Variants in CDH24 observed in about 807,000 individuals in gnomAD.
CDH24 encodes cadherin 24.
A neutral mutation model predicts 71.2 loss-of-function variants in CDH24; 61 were observed. The ratio of observed to expected loss-of-function variants is 0.86; its 90% confidence interval spans 0.70 to 1.06. The LOEUF (loss-of-function observed/expected upper bound fraction) is 1.06. CDH24 is among the 50% of genes least tolerant of loss of function. The pLI is 0.00. For missense variants in CDH24, 961 were observed against 1,083.7 expected (o/e 0.89, Z 1.59); for synonymous variants, 440 against 470.2 (o/e 0.94, Z 0.83).
intron 8 of CDH24, 31 bp from the exon 9 acceptor site, chr14:23,049,974 A>C: frequency 6.3e-7 from 1 of 1,599,494 alleles, no homozygotes; most frequent in Middle Eastern, 1.7e-4. Flanking sequence ...CATACACGCC[A>C]CACACACACC....
In CDH24 at chr14:23,051,986, A is replaced by G; in HGVS notation, c.1363+487T>C. The G allele has an allele frequency of 6.3e-7, 1 of 1,579,508 alleles. No individual in the cohort carries two copies. Among genetic ancestry groups the G allele is most frequent in the African/African-American group, 1.3e-5 (1 of 74,116 alleles). On this transcript the variant is annotated intron_variant, in intron 8 of 12. Coordinates refer to ENST00000487137, the MANE Select transcript of CDH24 (RefSeq NM_144985.4). This position sits in a 1 kb window ranked among gnomAD's most constrained non-coding sequence, Gnocchi z 4.4. Reference sequence around the variant, plus strand: ...CTCCCCTACCTTGGGGGATTCCCACAGCGCTTCCAACAGGGCTTCTCTGGG... The same window carrying G: ...CTCCCCTACCTTGGGGGATTCCCACGGCGCTTCCAACAGGGCTTCTCTGGG...
In CDH24 at chr14:23,055,725, G is replaced by T; in HGVS notation, c.9C>A (p.Gly3=). The change falls in exon 2 of 13, where the codon GGC becomes GGA. Residue 3 remains glycine, a synonymous_variant. Transcript: ENST00000487137. The surrounding 1 kb of genome is among the most constrained non-coding windows in gnomAD (Gnocchi z 4.1). The part of the protein sequence containing the change: MW[G]LVRLLLAWLG... ...GCCAGGCCAGCAGGAGCCTCACCAG[G>T]CCCCACATGTTTGGACTCCAGCCAG... 6.3e-7 allele frequency: 1 copy of T among 1,582,336 alleles called. No homozygotes were observed. The highest frequency in any genetic ancestry group is 8.5e-7 in the Non-Finnish European group (1 of 1,169,890).
intron 10 of CDH24, among the ~76,000 whole-genome samples, 166 bp downstream of exon 10, chr14:23,049,461 G>A (rs1385233082): frequency 1.3e-5 from 2 of 152,096 alleles, no homozygotes; most frequent in Non-Finnish European, 2.9e-5. Flanking sequence ...CTTCCCATGG[G>A]GAAGGTTTAC....
In CDH24 at chr14:23,055,838, G is replaced by A. The variant is rs2047125726; in HGVS notation, c.-105C>T. 1 of 940,746 alleles carries A rather than the reference G, an allele frequency of 1.1e-6. No homozygotes were observed. Among genetic ancestry groups the A allele is most frequent in the Non-Finnish European group, 1.6e-6 (1 of 643,100 alleles). 58.3% of individuals were successfully genotyped at this position (940,746 alleles called of 1,614,324 possible). On this transcript the variant is annotated 5_prime_UTR_variant, in exon 2 of 13. Transcript: ENST00000487137. This position sits in a 1 kb window ranked among gnomAD's most constrained non-coding sequence, Gnocchi z 4.1. ...GGGGTGGAGGGGCAGATGCGTTGAG[G>A]CTACCCCATGGATCCACACCTGCAG...
chr14:23,048,843 T>C (rs918473094), intron 11 of CDH24, among the ~76,000 whole-genome samples, 184 bp downstream of exon 11: 2 of 152,244 alleles, frequency 1.3e-5, no homozygotes, highest in Admixed American at 6.5e-5. Context: ...ATTGTCATTA[T>C]GGATTGGCAG....
At chr14:23,048,584 T>TA (rs2047061259) in intron 11 of CDH24, 105 bp from the exon 12 acceptor site, 5 of 1,151,182 alleles carry the variant, frequency 4.3e-6, no homozygotes, top group Non-Finnish European at 5.0e-6. Flanking sequence ...GCCCTGTGCT[T>TA]AGGGGCTGAC....
Position 23,055,233 on chromosome 14 carries a change from C to T in CDH24, c.322G>A (p.Asp108Asn). The change falls in exon 3 of 13, where the codon GAC (aspartate) becomes AAC (asparagine). Residue 108 changes from aspartate to asparagine, a missense_variant. Around this residue, in one of 2 missense-constraint regions of CDH24, gnomAD observed 671 missense variants for 810.9 expected, o/e 0.83. Coordinates refer to ENST00000487137, the MANE Select transcript of CDH24 (RefSeq NM_144985.4). This position sits in a 1 kb window ranked among gnomAD's most constrained non-coding sequence, Gnocchi z 4.1. ...ACATATTGCGCCTTTTCCTCCCGGT[C>T]AAGGCTCTTGGTAACATGAATATTG... ...TGNIHVTKSL[D>N]REEKAQYVLL... The T allele has an allele frequency of 1.2e-6, 2 of 1,614,176 alleles. No individual in the cohort carries two copies. The highest frequency in any genetic ancestry group is 1.7e-6 in the Non-Finnish European group (2 of 1,180,016).
At position 23,047,847 on chromosome 14, in the gene CDH24, A is replaced by G. The variant is rs1047103203; in HGVS notation, c.*133T>C. 2.3e-5 allele frequency: 12 copies of G among 527,758 alleles called. No individual in the cohort carries two copies. Among genetic ancestry groups the G allele is most frequent in the Non-Finnish European group, 3.5e-5 (12 of 345,922 alleles). The allele number at this position is 527,758 out of a possible 1,614,324, so 32.7% of individuals were successfully genotyped here. On this transcript the variant is annotated 3_prime_UTR_variant, in exon 12 of 13. Transcript: ENST00000487137. ...AGAGCGAGGGTGCCCCGGGGAAGCAAGGAGGGACACAAGGACAGGGAGGAG... is the reference window on the plus strand; with the variant it reads ...AGAGCGAGGGTGCCCCGGGGAAGCAGGGAGGGACACAAGGACAGGGAGGAG...
chr14:23,052,277 G>A, intron 8 of CDH24, 196 bp downstream of exon 8: 1 of 757,854 alleles, frequency 1.3e-6, no homozygotes, highest in Non-Finnish European at 2.2e-6. Context: ...GCCCTGCCTG[G>A]TAGCAAGGAT....
chr14:23,049,047 G>C lies in CDH24; in HGVS notation c.1826C>G (p.Thr609Ser), dbSNP rs1376178455. Residue 609 changes from threonine (T) to serine (S), a missense_variant, in exon 11 of 13, where the codon ACC (threonine) becomes AGC (serine). By Grantham distance (58) the Thr-to-Ser change is moderately conservative. This residue lies in a region of CDH24 where 290 missense variants were observed against 272.8 expected (regional missense o/e 1.06). Transcript: ENST00000487137. ...CTCACCAAGCAGGGCACCCACACAG[G>C]TGATGATGGCAAGCAGGGCGCCGGT... Reference protein sequence around the residue: ...LSTGALLAIITCVGALLALVV... With the variant: ...LSTGALLAIISCVGALLALVV... 1.2e-6 allele frequency: 2 copies of C among 1,612,608 alleles called. No individual in the cohort carries two copies. The highest frequency in any genetic ancestry group is 2.7e-5 in the African/African-American group (2 of 74,928).
At position 23,051,915 on chromosome 14, in the gene CDH24, A is replaced by T; in HGVS notation, c.1363+558T>A. The stretch of plus-strand genomic sequence containing the variant: ...CCGCTGCTGGCCTGACTGATGGGGG[A>T]GACCGCATATGGAGCTGGCACTCCT... On this transcript the variant is annotated intron_variant, in intron 8 of 12. Transcript: ENST00000487137. The surrounding 1 kb of genome is among the most constrained non-coding windows in gnomAD (Gnocchi z 4.4). The T allele has an allele frequency of 9.8e-7, 1 of 1,019,726 alleles. No individual in the cohort carries two copies. The highest frequency in any genetic ancestry group is 1.4e-6 in the Non-Finnish European group (1 of 692,832). The allele number at this position is 1,019,726 out of a possible 1,614,324, so 63.2% of individuals were successfully genotyped here. A position where few individuals can be genotyped will look rare whatever the true frequency, so the allele number is the denominator to read the frequency against.
Position 23,051,740 on chromosome 14 carries a change from T to C in CDH24, c.1363+733A>G, listed in dbSNP as rs549268392. Reference sequence around the variant, plus strand: ...TCACTGACACATTCAGATATCCACATATACAAGGGCAGTTTTCATATGCAG... The same window carrying C: ...TCACTGACACATTCAGATATCCACACATACAAGGGCAGTTTTCATATGCAG... On this transcript the variant is annotated intron_variant, in intron 8 of 12. Transcript: ENST00000487137. This position sits in a 1 kb window ranked among gnomAD's most constrained non-coding sequence, Gnocchi z 4.4. Among the ~76,000 whole-genome samples the C allele has an allele frequency of 5.3e-4, 81 of 152,296 alleles. 1 individual carries two copies. The highest frequency in any genetic ancestry group is 3.4e-3 in the Middle Eastern group (1 of 294).
At position 23,054,216 on chromosome 14, in the gene CDH24, CAG is replaced by C. The variant is rs982793880; in HGVS notation, c.895_896del (p.Leu299GlyfsTer6). On this transcript the variant is annotated frameshift_variant, in exon 6 of 13. Transcript: ENST00000487137. LOFTEE classifies it high-confidence loss of function. This position sits in a 1 kb window ranked among gnomAD's most constrained non-coding sequence, Gnocchi z 5.2. ...TGAAGGCCTCAGACCCCTCCCCATC[CAG>C]GATGCTGTATGCCATCAGGGCGTTG... ...GDNALMAYSILDGEGSEAFSI... is the reference protein window; with the variant it reads ...GDNALMAYSIXDGEGSEAFSI... The C allele has an allele frequency of 1.9e-6, 3 of 1,613,652 alleles. No homozygotes were observed. The African/African-American group carries it at 4.0e-5, about 22-fold the overall frequency.
rs1232523766 is a variant in CDH24 at position 23,047,610 on chromosome 14, A to C, written c.*370T>G. 5.6e-6 allele frequency: 1 copy of C among 178,094 alleles called. No homozygotes were observed. Among genetic ancestry groups the C allele is most frequent in the Non-Finnish European group, 1.2e-5 (1 of 85,320 alleles). The allele number at this position is 178,094 out of a possible 1,614,324, so 11.0% of individuals were successfully genotyped here. A position where few individuals can be genotyped will look rare whatever the true frequency, so the allele number is the denominator to read the frequency against. On this transcript the variant is annotated 3_prime_UTR_variant, in exon 12 of 13. Coordinates refer to ENST00000487137, the MANE Select transcript of CDH24 (RefSeq NM_144985.4). ...TGTGGGCAGGAGACAGACACAGAGC[A>C]TGTGTATGGGCAAGGAAGACGCAGG...
rs973842177 is a variant in CDH24 at position 23,049,181 on chromosome 14, C to G, written c.1692G>C (p.Pro564=). ...TCACTGTGGCAGTGCTGCTCAGCGC[C>G]GGCTGCCCCCAGTCCCACAGTTCTA... is the stretch of plus-strand genomic sequence containing the variant. ...VPIELWDWGQ[P]ALSSTATVTV... Residue 564 remains proline (P), a synonymous_variant, in exon 11 of 13, where the codon CCG becomes CCC. Coordinates refer to ENST00000487137, the MANE Select transcript of CDH24 (RefSeq NM_144985.4). The G allele has an allele frequency of 1.3e-6, 2 of 1,577,308 alleles. No individual in the cohort carries two copies. The highest frequency in any genetic ancestry group is 2.3e-5 in the South Asian group (2 of 87,156).
At chr14:23,053,785 G>A in intron 6 of CDH24, 36 bp from the exon 7 acceptor site, 1 of 1,566,310 alleles carries the variant, frequency 6.4e-7, no homozygotes, top group South Asian at 1.1e-5. Flanking sequence ...AGTGAGGCAT[G>A]TGGAAACCAG....
chr14:23,055,408 A>G lies in CDH24; in HGVS notation c.202-55T>C, dbSNP rs1348051496. The G allele has an allele frequency of 6.3e-7, 1 of 1,590,580 alleles. No individual in the cohort carries two copies. The highest frequency in any genetic ancestry group is 1.7e-5 in the Admixed American group (1 of 59,060). On this transcript the variant is annotated intron_variant, in intron 2 of 12. Transcript: ENST00000487137. The surrounding 1 kb of genome is among the most constrained non-coding windows in gnomAD (Gnocchi z 4.1). ...GCTCCAAGTACAGAGACAGGGTTAA[A>G]GAGTCTAGGTTTGGGTAGAGCGTTG...
At chr14:23,050,493 CCACACACACACA>C (rs10553168) in intron 8 of CDH24, among the ~76,000 whole-genome samples, 36 of 144,880 alleles carry the variant, frequency 2.5e-4, no homozygotes, top group East Asian at 4.1e-4. Context: ...CATATACACA[CCACACACACACA>C]CACACACACA....
rs200472203 is a variant in CDH24 at position 23,049,722 on chromosome 14, C to T, written c.1502G>A (p.Arg501Gln). Residue 501 changes from arginine to glutamine, a missense_variant, in exon 10 of 13, where the codon CGG becomes CAG. Around this residue, in one of 2 missense-constraint regions of CDH24, gnomAD observed 671 missense variants for 810.9 expected, o/e 0.83. Transcript: ENST00000487137. ...AAPGQLIQVIRALDRDEVGNS... is the reference protein window; with the variant it reads ...AAPGQLIQVIQALDRDEVGNS... The stretch of plus-strand genomic sequence containing the variant: ...GCCAACTTCATCTCTGTCCAGGGCC[C>T]GGATGACCTGAATCAGCTGGGAGGA... 29 of 1,612,076 alleles carry T rather than the reference C, an allele frequency of 1.8e-5. No individual in the cohort carries two copies. Among genetic ancestry groups the T allele is most frequent in the Middle Eastern group, 1.6e-4 (1 of 6,068 alleles).
Sources: allele counts gnomAD v4.1 joint callset (sites outside exome capture counted in the v4.1 genomes callset), GRCh38; gene constraint gnomAD v4.1.1; regional missense constraint gnomAD v4.1.1; non-coding constraint Gnocchi (gnomAD v3.1); transcripts MANE v1.5; gene names NCBI Gene and HGNC (gene_info 2026-07-23, HGNC 2026-07-21).